Variants in NFATC3 observed in about 807,000 individuals in gnomAD.
The protein encoded by NFATC3 is nuclear factor of activated T cells 3.
Under a neutral mutation model 98.6 loss-of-function variants are expected in NFATC3, and 46 were observed. The ratio of observed to expected loss-of-function variants is 0.47; its 90% CI spans 0.37 to 0.60. NFATC3 has a LOEUF of 0.60. NFATC3 is among the 20% of genes least tolerant of loss of function. The probability of loss-of-function intolerance (pLI) is 0.00; values close to 1 mark genes in which losing one functional copy is unlikely to be tolerated. For synonymous variants in NFATC3, 512 were observed against 472.2 expected (o/e 1.08, Z -1.09); for missense variants, 1,256 against 1,295.5 (o/e 0.97, Z 0.47).
At chr16:68,186,576 CATTCAAATTCTCTTCT>C (rs1252609491) in intron 8 of NFATC3, among the ~76,000 whole-genome samples, 1 of 152,016 alleles carries the variant, frequency 6.6e-6, no homozygotes, top group Non-Finnish European at 1.5e-5. Context: ...ACAAAAAAAA[CATTCAAATTCTCTTCT>C]ATTCTGAGAC....
At chr16:68,112,645 CGTTTTTT>C (rs2036027162) in intron 1 of NFATC3, among the ~76,000 whole-genome samples, 1 of 119,238 alleles carries the variant, frequency 8.4e-6, no homozygotes. Flanking sequence ...TTTTCTTTTT[CGTTTTTT>C]TTTTTTTTTT....
intron 3 of NFATC3, among the ~76,000 whole-genome samples, chr16:68,145,912 T>C (rs1221633403): frequency 2.6e-5 from 4 of 152,212 alleles, no homozygotes; most frequent in Admixed American, 6.5e-5. Flanking sequence ...GTTTTGATAC[T>C]GTGCTAACTA....
chr16:68,121,242 C>CTTTTTTTTTTTTTTTTTT (rs753615194), intron 1 of NFATC3, among the ~76,000 whole-genome samples: 10 of 102,386 alleles, frequency 9.8e-5, no homozygotes, highest in South Asian at 6.1e-4. Context: ...CTTTTCTTTT[C>CTTTTTTTTTTTTTTTTTT]TTTTTTTTTT....
chr16:68,221,758 T>C (rs2041872383), intron 9 of NFATC3: 1 of 290,278 alleles, frequency 3.4e-6, no homozygotes, highest in South Asian at 1.3e-4. Context: ...ACTTTCCAGG[T>C]TCCTTCAGCT....
chr16:68,095,347 A>ATTTTT (rs35343240), intron 1 of NFATC3, among the ~76,000 whole-genome samples: 30 of 103,808 alleles, frequency 2.9e-4, no homozygotes, highest in African/African-American at 1.0e-3. Context: ...TGCCCAGCTA[A>ATTTTT]TTTTTTTTTT....
chr16:68,167,577 C>T (rs1477614513), intron 5 of NFATC3, among the ~76,000 whole-genome samples: 5 of 152,004 alleles, frequency 3.3e-5, no homozygotes, highest in Non-Finnish European at 7.4e-5. Flanking sequence ...GGATCTTGGG[C>T]AGGTTAGCTG....
At position 68,190,799 on chromosome 16, in the gene NFATC3, T is replaced by G; in HGVS notation, c.2130T>G (p.Ile710Met). The G allele has an allele frequency of 6.2e-7, 1 of 1,610,072 alleles. No individual in the cohort carries two copies. Among genetic ancestry groups the G allele is most frequent in the Non-Finnish European group, 8.5e-7 (1 of 1,177,248 alleles). ...TGAAGCAAGAACACAGAGAAGAGAT[T>G]GATTTGTCTTCAGTTCCATCTTTGC... ...VLMKQEHREE[I>M]DLSSVPSLPV... Residue 710 changes from isoleucine (I) to methionine (M), a missense_variant, in exon 9 of 10, where the codon ATT becomes ATG. Coordinates refer to ENST00000346183, the MANE Select transcript of NFATC3 (RefSeq NM_173165.3).
chr16:68,163,782 G>A (rs1378372168), intron 4 of NFATC3, among the ~76,000 whole-genome samples: 2 of 150,386 alleles, frequency 1.3e-5, no homozygotes, highest in East Asian at 4.0e-4. Flanking sequence ...GGGCAGAGGC[G>A]CTCCCCACAT....
intron 9 of NFATC3, among the ~76,000 whole-genome samples, chr16:68,210,292 C>G (rs2151156281): frequency 7.2e-6 from 1 of 139,724 alleles, no homozygotes; most frequent in African/African-American, 2.8e-5. Context: ...AGTGAGATTC[C>G]TTCTCAAAAA....
chr16:68,139,696 T>G (rs562686565), intron 3 of NFATC3, among the ~76,000 whole-genome samples: 48 of 152,338 alleles, frequency 3.2e-4, no homozygotes, highest in Non-Finnish European at 5.1e-4. Context: ...ATTAACTTTT[T>G]CTTTTCTTCA....
intron 7 of NFATC3, among the ~76,000 whole-genome samples, chr16:68,182,978 A>G (rs1400145115): frequency 3.9e-5 from 6 of 152,258 alleles, no homozygotes; most frequent in Non-Finnish European, 8.8e-5. Context: ...ACTACATAGT[A>G]TGTAAGACTT....
chr16:68,169,778 G>A (rs1055109727), intron 5 of NFATC3, among the ~76,000 whole-genome samples: 1 of 151,726 alleles, frequency 6.6e-6, no homozygotes, highest in Non-Finnish European at 1.5e-5. Flanking sequence ...CTGTCTCTGC[G>A]AAAAATACAA....
intron 6 of NFATC3, 24 bp downstream of exon 6, chr16:68,174,538 A>T: frequency 1.5e-5 from 23 of 1,524,648 alleles, no homozygotes; most frequent in Non-Finnish European, 2.0e-5. Context: ...GAGTTGATTG[A>T]CTTCAAACTA....
intron 6 of NFATC3, among the ~76,000 whole-genome samples, chr16:68,179,138 C>G (rs1252877241): frequency 6.6e-6 from 1 of 152,148 alleles, no homozygotes; most frequent in Non-Finnish European, 1.5e-5. Flanking sequence ...ATTATGAGTT[C>G]TGTCTCATGT....
intron 9 of NFATC3, among the ~76,000 whole-genome samples, chr16:68,207,173 G>A (rs546043149): frequency 6.6e-6 from 1 of 152,084 alleles, no homozygotes; most frequent in East Asian, 1.9e-4. Context: ...AGTTGGGCAT[G>A]GTGGTGGGCG....
intron 9 of NFATC3, among the ~76,000 whole-genome samples, chr16:68,207,005 TAAA>T (rs559629801): frequency 2.7e-5 from 3 of 111,278 alleles, no homozygotes; most frequent in South Asian, 2.7e-4. Context: ...GCATACATAT[TAAA>T]AAAAAAAAAA....
At chr16:68,200,770 A>G (rs1449584767) in intron 9 of NFATC3, 3 of 152,158 alleles carry the variant, frequency 2.0e-5, no homozygotes, top group Admixed American at 1.3e-4. Flanking sequence ...TGGCTGTCCA[A>G]TTATCACTGA....
At chr16:68,098,708 A>G in intron 1 of NFATC3, among the ~76,000 whole-genome samples, 1 of 152,196 alleles carries the variant, frequency 6.6e-6, no homozygotes, top group South Asian at 2.1e-4. Flanking sequence ...TCAGGTTTAG[A>G]TAGTCTTTTT....
intron 8 of NFATC3, 97 bp downstream of exon 8, chr16:68,183,463 C>A: frequency 7.3e-7 from 1 of 1,361,474 alleles, no homozygotes; most frequent in Admixed American, 2.4e-5. Context: ...AGGTAGAGTG[C>A]TTATAAACAA....
Sources: gnomAD v4.1 joint callset for allele counts (sites outside exome capture counted in the v4.1 genomes callset) on GRCh38, gnomAD v4.1.1 for gene constraint, MANE v1.5 for transcripts, NCBI Gene and HGNC (gene_info 2026-07-23, HGNC 2026-07-21) for gene names.